Variants in MAGED1 observed in about 807,000 individuals in gnomAD.
The protein encoded by MAGED1 is MAGE family member D1.
A neutral mutation model predicts 54.1 loss-of-function variants in MAGED1; 3 were observed. That is an observed-to-expected ratio of 0.06 (90% confidence interval 0.03 to 0.14). The LOEUF (loss-of-function observed/expected upper bound fraction) is 0.14. Ranked by LOEUF, MAGED1 falls within the 10% of genes least tolerant of loss-of-function variation. The pLI, the probability that MAGED1 is intolerant of heterozygous loss-of-function variation, is 1.00. For missense variants in MAGED1, 485 were observed against 623.4 expected (o/e 0.78, Z 2.36); for synonymous variants, 217 against 227.3 (o/e 0.95, Z 0.41).
At chrX:51,847,577 G>A (rs1487738389) in intron 1 of MAGED1, among the ~76,000 whole-genome samples, 1 of 109,985 alleles carries the variant, frequency 9.1e-6, no homozygotes, top group Non-Finnish European at 1.9e-5. Flanking sequence ...AATCAGCAAG[G>A]GGATCCTGCC....
intron 1 of MAGED1, among the ~76,000 whole-genome samples, chrX:51,811,674 G>T (rs1186205259): frequency 1.8e-5 from 2 of 111,690 alleles, no homozygotes; most frequent in Admixed American, 1.9e-4. Flanking sequence ...TAAAGGGGAA[G>T]TGGGAGTAGA....
Position 51,873,513 on chromosome X carries a change from CTG to C in MAGED1, c.-36-20735_-36-20734del, listed in dbSNP as rs782291880. 6.0e-4 allele frequency among the ~76,000 whole-genome samples: 39 copies of C among 64,927 alleles called. 1 individual carries two copies. The South Asian group carries it at 8.0e-3, about 13-fold the overall frequency. The allele number at this position is 64,927 out of a possible 115,157, so 56.4% of individuals were successfully genotyped here. A position where few individuals can be genotyped will look rare whatever the true frequency, so the allele number is the denominator to read the frequency against. On this transcript the variant is annotated intron_variant, in intron 1 of 12. Coordinates refer to the MAGED1 transcript ENST00000375772. ...CATGTGAATGAGATAGTGTGTTAGA[CTG>C]TGTGTGTGTGTGTGTGTGTGAGAGA...
At chrX:51,803,485 C>T (rs1956636933) in intron 1 of MAGED1, among the ~76,000 whole-genome samples, 1 of 109,358 alleles carries the variant, frequency 9.1e-6, no homozygotes, top group African/African-American at 3.3e-5. Flanking sequence ...GCCCCCCATC[C>T]TGTTAACCTG....
chrX:51,806,075 A>G (rs1274221788), intron 1 of MAGED1, among the ~76,000 whole-genome samples: 1 of 100,006 alleles, frequency 1.0e-5, no homozygotes, highest in African/African-American at 3.7e-5. Context: ...CTGGGTTCCA[A>G]CGACTCTCCT....
intron 1 of MAGED1, among the ~76,000 whole-genome samples, chrX:51,821,630 C>T (rs1306591149): frequency 9.0e-6 from 1 of 111,428 alleles, no homozygotes; most frequent in African/African-American, 3.3e-5. Context: ...ACTCAAGCAA[C>T]CTGCCCGCCT....
chrX:51,895,906 G>A (rs908933148), intron 3 of MAGED1, 146 bp downstream of exon 3: 22 of 477,358 alleles, frequency 4.6e-5, no homozygotes, highest in Middle Eastern at 5.7e-4. Context: ...CCTGTCCTCC[G>A]GATGTTCACA....
intron 1 of MAGED1, among the ~76,000 whole-genome samples, chrX:51,886,927 G>A (rs953520748): frequency 1.8e-5 from 2 of 109,775 alleles, no homozygotes; most frequent in Admixed American, 9.8e-5. Flanking sequence ...ATGGTGTCAC[G>A]CACCTGTGGT....
chrX:51,889,069 G>A (rs1569555978), upstream of MAGED1, among the ~76,000 whole-genome samples: 1 of 110,651 alleles, frequency 9.0e-6, no homozygotes, highest in Non-Finnish European at 1.9e-5. Context: ...GGTGTTTGTA[G>A]AGACTTCCAC....
upstream of MAGED1, chrX:51,893,589 G>A (rs1425018126): frequency 2.6e-5 from 3 of 113,859 alleles, no homozygotes; most frequent in African/African-American, 9.6e-5. Flanking sequence ...CTGAGGCGGT[G>A]GGTGGTATAT....
chrX:51,814,966 TAA>T (rs782352592), intron 1 of MAGED1, among the ~76,000 whole-genome samples: 80 of 72,053 alleles, frequency 1.1e-3, no homozygotes, highest in Non-Finnish European at 1.6e-3. Flanking sequence ...ACCTCTCTCT[TAA>T]AAAAAAAAAA....
intron 1 of MAGED1, among the ~76,000 whole-genome samples, chrX:51,804,136 C>T (rs1924952345): frequency 1.8e-5 from 2 of 112,143 alleles, no homozygotes; most frequent in South Asian, 7.4e-4. Flanking sequence ...TTTTCTATTA[C>T]ATTTGTTACC....
At chrX:51,854,349 G>A (rs367862013) in intron 1 of MAGED1, among the ~76,000 whole-genome samples, 12 of 112,005 alleles carry the variant, frequency 1.1e-4, no homozygotes, top group African/African-American at 3.9e-4. Context: ...AATTTGGAAA[G>A]AGCTAAGGAC....
At chrX:51,875,750 A>G (rs1927843466) in intron 1 of MAGED1, among the ~76,000 whole-genome samples, 1 of 111,885 alleles carries the variant, frequency 8.9e-6, no homozygotes, top group Non-Finnish European at 1.9e-5. Flanking sequence ...ATTCAAAATC[A>G]GGGATTTGAG....
intron 1 of MAGED1, among the ~76,000 whole-genome samples, chrX:51,879,260 T>C (rs1183683946): frequency 1.8e-5 from 2 of 111,878 alleles, no homozygotes; most frequent in Non-Finnish European, 3.8e-5. Context: ...TTTCTTTATG[T>C]ACTTCCAAGT....
chrX:51,849,653 A>G (rs1445567985), intron 1 of MAGED1, among the ~76,000 whole-genome samples: 1 of 111,552 alleles, frequency 9.0e-6, no homozygotes, highest in Non-Finnish European at 1.9e-5. Context: ...TGCCAGGTGT[A>G]TAGGAATGCT....
chrX:51,851,685 A>G (rs1352995068), intron 1 of MAGED1, among the ~76,000 whole-genome samples: 1 of 109,034 alleles, frequency 9.2e-6, no homozygotes, highest in Non-Finnish European at 1.9e-5. Context: ...TAGATGACTC[A>G]TAGACAGGGA....
upstream of MAGED1, among the ~76,000 whole-genome samples, chrX:51,888,727 G>A (rs1468359030): frequency 2.7e-5 from 3 of 112,172 alleles, no homozygotes; most frequent in Non-Finnish European, 5.6e-5. Flanking sequence ...ATGTCTTTCA[G>A]TGGGTGAATG....
intron 1 of MAGED1, among the ~76,000 whole-genome samples, chrX:51,838,522 G>C (rs782374835): frequency 9.0e-6 from 1 of 111,651 alleles, no homozygotes; most frequent in Non-Finnish European, 1.9e-5. Context: ...GGAATATTTG[G>C]GCAAATTAGT....
intron 1 of MAGED1, among the ~76,000 whole-genome samples, chrX:51,868,860 T>C (rs1927553843): frequency 9.0e-6 from 1 of 111,484 alleles, no homozygotes; most frequent in Non-Finnish European, 1.9e-5. Context: ...AAATGAGAAG[T>C]GTGTCTCTTT....
Sources: gnomAD v4.1 joint callset for allele counts (sites outside exome capture counted in the v4.1 genomes callset) on GRCh38, gnomAD v4.1.1 for gene constraint, MANE v1.5 for transcripts, NCBI Gene and HGNC (gene_info 2026-07-23, HGNC 2026-07-21) for gene names.